EHMT1: variants seen among roughly 807,000 people sequenced by gnomAD.
EHMT1 encodes the protein euchromatic histone lysine methyltransferase 1.
In EHMT1, 15 loss-of-function variants were observed where a neutral mutation model predicts 147.2. The observed-to-expected ratio is 0.10, with a 90% CI of 0.07 to 0.16. EHMT1 has a LOEUF of 0.16. Ranked by LOEUF, EHMT1 falls within the 10% of genes least tolerant of loss-of-function variation. The pLI, the probability that EHMT1 is intolerant of heterozygous loss-of-function variation, is 1.00. For missense variants in EHMT1, 1,587 were observed against 1,772.4 expected, an observed-to-expected ratio of 0.90 and a Z score of 1.88; for synonymous variants, 795 against 709.6, an observed-to-expected ratio of 1.12 and a Z score of -1.91.
At chr9:137,668,733 C>CTT (rs34070687) in intron 1 of EHMT1, among the ~76,000 whole-genome samples, 8 of 148,362 alleles carry the variant, frequency 5.4e-5, no homozygotes, top group Non-Finnish European at 7.5e-5. Context: ...TTAGTGTTTT[C>CTT]TTTTTTTTTT....
At chr9:137,711,099 C>T (rs1944670967) in intron 2 of EHMT1, 69 bp downstream of exon 2, 1 of 1,482,046 alleles carries the variant, frequency 6.7e-7, no homozygotes, top group South Asian at 1.2e-5. Flanking sequence ...GCTGCTCTTC[C>T]TCTCTTATTA....
chr9:137,726,309 C>G (rs1316463204), intron 3 of EHMT1, among the ~76,000 whole-genome samples: 1 of 152,194 alleles, frequency 6.6e-6, no homozygotes, highest in African/African-American at 2.4e-5. Context: ...CAATACCATT[C>G]TACTTTCTGT....
At chr9:137,717,304 A>G (rs1945429125) in intron 3 of EHMT1, 122 bp downstream of exon 3, 8 of 1,309,776 alleles carry the variant, frequency 6.1e-6, no homozygotes, top group South Asian at 1.3e-5. Flanking sequence ...GACAGGGCCT[A>G]TGAGGAGCTA....
intron 1 of EHMT1, among the ~76,000 whole-genome samples, chr9:137,675,564 C>T (rs1303315195): frequency 6.0e-5 from 9 of 151,140 alleles, no homozygotes; most frequent in Middle Eastern, 3.4e-3. Context: ...CCCAGGTTCC[C>T]GCCATTCTCC....
At chr9:137,717,480 C>T (rs922404952) in intron 3 of EHMT1, among the ~76,000 whole-genome samples, 7 of 151,640 alleles carry the variant, frequency 4.6e-5, no homozygotes, top group African/African-American at 9.7e-5. Context: ...CATAGTGGTG[C>T]GTACCTGTAG....
At chr9:137,621,658 C>T (rs1395487666) in intron 1 of EHMT1, among the ~76,000 whole-genome samples, 1 of 152,008 alleles carries the variant, frequency 6.6e-6, no homozygotes, top group Non-Finnish European at 1.5e-5. Context: ...TGAATATATC[C>T]TCCATTCCCC....
intron 10 of EHMT1, among the ~76,000 whole-genome samples, chr9:137,772,449 G>A (rs1338452768): frequency 6.6e-6 from 1 of 152,210 alleles, no homozygotes; most frequent in Non-Finnish European, 1.5e-5. Context: ...TCTGCAGAGG[G>A]TGACCCCTCA....
intron 1 of EHMT1, among the ~76,000 whole-genome samples, chr9:137,682,964 A>G (rs1384708350): frequency 6.6e-6 from 1 of 152,226 alleles, no homozygotes; most frequent in Non-Finnish European, 1.5e-5. Context: ...ACTGAGAGTC[A>G]GGCGGAAGGG....
chr9:137,707,790 C>T (rs1944390896), intron 1 of EHMT1, among the ~76,000 whole-genome samples: 1 of 152,150 alleles, frequency 6.6e-6, no homozygotes, highest in African/African-American at 2.4e-5. Context: ...CAGGAGGGGA[C>T]AGCATGTGAG....
rs778311420 is a variant in EHMT1, at chr9:137,732,578, T to C, written c.823+4049T>C. On this transcript the variant is annotated intron_variant, in intron 4 of 26. Transcript: ENST00000460843. The surrounding 1 kb of genome is among the most constrained non-coding windows in gnomAD (Gnocchi z 4.6). ...AGGAAGTGCATGAAGTGCATGCTGA[T>C]TGGTCCATGGGTAGGTCTGGAAAAA... is the stretch of plus-strand genomic sequence containing the variant. 2.6e-5 allele frequency among the ~76,000 whole-genome samples: 4 copies of C among 152,134 alleles called. No homozygotes were observed. The highest frequency in any genetic ancestry group is 5.9e-5 in the Non-Finnish European group (4 of 68,016).
intron 17 of EHMT1, among the ~76,000 whole-genome samples, chr9:137,799,242 C>T (rs551676779): frequency 1.5e-3 from 228 of 152,308 alleles, no homozygotes; most frequent in African/African-American, 5.3e-3. Flanking sequence ...CTGTCCCCTT[C>T]TTCCCTGGCC....
intron 3 of EHMT1, among the ~76,000 whole-genome samples, chr9:137,727,940 G>A (rs1013218571): frequency 3.3e-5 from 5 of 152,232 alleles, no homozygotes; most frequent in Non-Finnish European, 7.3e-5. Context: ...TTTTGATGCT[G>A]CCCATTTTGG....
chr9:137,806,712 C>T (rs1460365763), intron 18 of EHMT1, among the ~76,000 whole-genome samples: 1 of 152,216 alleles, frequency 6.6e-6, no homozygotes, highest in Admixed American at 6.5e-5. Context: ...GGATTACAGG[C>T]GTAAGCCCCT....
chr9:137,645,111 G>A (rs1474392798), intron 1 of EHMT1, among the ~76,000 whole-genome samples: 1 of 152,214 alleles, frequency 6.6e-6, no homozygotes, highest in Non-Finnish European at 1.5e-5. Flanking sequence ...GGCCTCAAAT[G>A]ATCCGCCTGC....
At chr9:137,815,408 C>T (rs867345930) in intron 22 of EHMT1, 33 of 207,828 alleles carry the variant, frequency 1.6e-4, no homozygotes, top group Middle Eastern at 4.1e-3. Flanking sequence ...GCCGTCAAGC[C>T]AGAGTGTGCC....
chr9:137,740,390 G>A (rs1247002546), intron 4 of EHMT1, among the ~76,000 whole-genome samples: 2 of 149,228 alleles, frequency 1.3e-5, no homozygotes, highest in Admixed American at 1.3e-4. Flanking sequence ...CACTGGCCCC[G>A]CTTCTTTGAG....
chr9:137,762,801 C>T lies in EHMT1; in HGVS notation c.1628C>T (p.Thr543Ile). The T allele has an allele frequency of 6.2e-7, 1 of 1,614,226 alleles. No homozygotes were observed. The highest frequency in any genetic ancestry group is 8.5e-7 in the Non-Finnish European group (1 of 1,180,040). ...TTLANNQCMA[T>I]ESVDHELGRC... ...CTGGCCAACAACCAGTGCATGGCTACAGAGAGCGTGGACCATGAAGTAAGC... is the reference window on the plus strand; with the variant it reads ...CTGGCCAACAACCAGTGCATGGCTATAGAGAGCGTGGACCATGAAGTAAGC... Residue 543 changes from threonine (T) to isoleucine (I), a missense_variant, in exon 10 of 27, where the codon ACA (threonine) becomes ATA (isoleucine). Transcript: ENST00000460843.
chr9:137,623,698 G>A (rs1843080680), intron 1 of EHMT1, among the ~76,000 whole-genome samples: 1 of 152,172 alleles, frequency 6.6e-6, no homozygotes, highest in African/African-American at 2.4e-5. Context: ...TGGGACTACA[G>A]GAGTGAGCCT....
intron 1 of EHMT1, among the ~76,000 whole-genome samples, chr9:137,651,949 T>C (rs1409432586): frequency 6.6e-6 from 1 of 152,242 alleles, no homozygotes; most frequent in East Asian, 1.9e-4. Flanking sequence ...TTATGTGCAG[T>C]ACCTAATGCT....
Sources: allele counts gnomAD v4.1 joint callset (sites outside exome capture counted in the v4.1 genomes callset), GRCh38; gene constraint gnomAD v4.1.1; non-coding constraint Gnocchi (gnomAD v3.1); transcripts MANE v1.5; gene names NCBI Gene and HGNC (gene_info 2026-07-23, HGNC 2026-07-21).